The following RFX3 variants were observed in gnomAD, a reference collection of about 807,000 sequenced individuals.
RFX3 encodes the protein regulatory factor X3, also known as transcription factor RFX3.
In RFX3, 14 loss-of-function variants were observed where a neutral mutation model predicts 98.6. The ratio of observed to expected loss-of-function variants is 0.14; its 90% CI spans 0.09 to 0.22. The LOEUF is 0.22. Among genes scored for constraint, RFX3 ranks in the 10% least tolerant of loss-of-function variants. RFX3 has a pLI of 1.00. For missense variants in RFX3, 639 were observed against 926.9 expected (o/e 0.69, Z 4.03); for synonymous variants, 383 against 328.4 (o/e 1.17, Z -1.80).
At chr9:3,359,140 G>A (rs1027713236) in intron 2 of RFX3, among the ~76,000 whole-genome samples, 23 of 151,870 alleles carry the variant, frequency 1.5e-4, no homozygotes, top group African/African-American at 4.8e-4. Context: ...TGGGCATACC[G>A]CTTGCAATTT....
intron 1 of RFX3, among the ~76,000 whole-genome samples, chr9:3,523,915 A>T (rs1259344874): frequency 6.6e-6 from 1 of 152,182 alleles, no homozygotes; most frequent in Non-Finnish European, 1.5e-5. Context: ...ATCACAAGGA[A>T]ATGAATTGAA....
chr9:3,382,944 C>T (rs754335220), intron 2 of RFX3, among the ~76,000 whole-genome samples: 2 of 152,054 alleles, frequency 1.3e-5, no homozygotes, highest in South Asian at 2.1e-4. Flanking sequence ...AGATAAAACA[C>T]TAAATAAATA....
At chr9:3,297,526 T>C (rs1306872772) in intron 5 of RFX3, among the ~76,000 whole-genome samples, 1 of 152,048 alleles carries the variant, frequency 6.6e-6, no homozygotes, top group Non-Finnish European at 1.5e-5. Flanking sequence ...AAATATTGCA[T>C]TGCCCAATTA....
chr9:3,220,448 T>C lies in RFX3; in HGVS notation c.*4594A>G, dbSNP rs561513656. ...TATGACATAGGTCTATCCAGGCCCA[T>C]GTATTTGTCCTCCTTTTCTAGAGAC... is the stretch of plus-strand genomic sequence containing the variant. On this transcript the variant is annotated 3_prime_UTR_variant, in exon 17 of 17. Coordinates refer to ENST00000617270, the MANE Select transcript of RFX3 (RefSeq NM_001282116.2). 2.0e-5 allele frequency: 3 copies of C among 152,056 alleles called. No individual in the cohort carries two copies. Among genetic ancestry groups the C allele is most frequent in the East Asian group, 1.9e-4 (1 of 5,196 alleles). The allele number at this position is 152,056 out of a possible 1,614,324, so 9.4% of individuals were successfully genotyped here.
intron 1 of RFX3, among the ~76,000 whole-genome samples, chr9:3,449,885 A>AG (rs1846415736): frequency 6.6e-6 from 1 of 150,422 alleles, no homozygotes; most frequent in Admixed American, 6.6e-5. Context: ...AAAAAAGAAA[A>AG]GAAAAAAAAA....
intron 1 of RFX3, among the ~76,000 whole-genome samples, chr9:3,518,303 C>G (rs897633708): frequency 3.9e-5 from 6 of 152,176 alleles, no homozygotes; most frequent in African/African-American, 1.4e-4. Flanking sequence ...CCAAAAGTTC[C>G]TTTTAAATCT....
At chr9:3,425,784 A>G (rs1843959131) in intron 1 of RFX3, among the ~76,000 whole-genome samples, 1 of 152,218 alleles carries the variant, frequency 6.6e-6, no homozygotes, top group East Asian at 1.9e-4. Context: ...TACATATACT[A>G]GACCATGAGG....
intron 8 of RFX3, among the ~76,000 whole-genome samples, chr9:3,276,565 G>A (rs571025016): frequency 1.3e-5 from 2 of 152,142 alleles, no homozygotes; most frequent in Admixed American, 6.6e-5. Flanking sequence ...ATAACCCTAG[G>A]ACTTCAGTCT....
chr9:3,505,136 T>A (rs1816804820), intron 1 of RFX3, among the ~76,000 whole-genome samples: 1 of 99,598 alleles, frequency 1.0e-5, no homozygotes, highest in South Asian at 3.4e-4. Context: ...TATTTATATT[T>A]ATATATTATA....
At position 3,482,350 on chromosome 9, in the gene RFX3, C is replaced by T. The variant is rs138652514; in HGVS notation, c.-9+43397G>A. On this transcript the variant is annotated intron_variant, in intron 1 of 16. Coordinates refer to ENST00000617270, the MANE Select transcript of RFX3 (RefSeq NM_001282116.2). The stretch of plus-strand genomic sequence containing the variant: ...GCCAGAGTGAGCACATATGCACTCA[C>T]GGAGAAATCCCGAGAAGACATGACA... 3.4e-3 allele frequency among the ~76,000 whole-genome samples: 517 copies of T among 152,018 alleles called. 3 individuals carry two copies. The highest frequency in any genetic ancestry group is 0.012 in the African/African-American group (486 of 41,454).
intron 2 of RFX3, among the ~76,000 whole-genome samples, chr9:3,357,065 A>G (rs886938760): frequency 7.2e-5 from 11 of 151,986 alleles, no homozygotes; most frequent in African/African-American, 2.7e-4. Flanking sequence ...TACAAATATT[A>G]TATTTAATAG....
intron 1 of RFX3, among the ~76,000 whole-genome samples, chr9:3,457,695 C>T (rs1037290694): frequency 6.6e-6 from 1 of 151,932 alleles, no homozygotes; most frequent in Non-Finnish European, 1.5e-5. Context: ...TATTTGTGTC[C>T]CAACCTTTTC....
chr9:3,442,038 A>G (rs1404556819), intron 1 of RFX3, among the ~76,000 whole-genome samples: 1 of 152,058 alleles, frequency 6.6e-6, no homozygotes, highest in Non-Finnish European at 1.5e-5. Context: ...TGTCTCTATT[A>G]AAAATACAAA....
chr9:3,360,048 G>C (rs1301007128), intron 2 of RFX3, among the ~76,000 whole-genome samples: 1 of 152,092 alleles, frequency 6.6e-6, no homozygotes, highest in African/African-American at 2.4e-5. Context: ...CCAGCATCTT[G>C]TAGTCATTTC....
intron 1 of RFX3, among the ~76,000 whole-genome samples, chr9:3,474,595 G>T (rs1849064717): frequency 6.6e-6 from 1 of 152,118 alleles, no homozygotes; most frequent in African/African-American, 2.4e-5. Context: ...TTATAGATGA[G>T]ATTACTGACT....
At chr9:3,301,735 G>T in intron 4 of RFX3, 115 bp from the exon 5 acceptor site, 1 of 651,826 alleles carries the variant, frequency 1.5e-6, no homozygotes, top group Non-Finnish European at 2.7e-6. Flanking sequence ...GGTCGTTAAT[G>T]AACAGTTGCC....
chr9:3,453,189 T>C (rs1450340981), intron 1 of RFX3, among the ~76,000 whole-genome samples: 1 of 152,080 alleles, frequency 6.6e-6, no homozygotes, highest in African/African-American at 2.4e-5. Context: ...AGACGAGATC[T>C]GATTAATCAC....
intron 1 of RFX3, among the ~76,000 whole-genome samples, chr9:3,427,390 AAT>A (rs1192316102): frequency 7.1e-5 from 10 of 141,004 alleles, no homozygotes; most frequent in East Asian, 5.9e-4. Flanking sequence ...ATAATAATAC[AAT>A]ATATATAAAT....
chr9:3,447,139 A>T (rs1042633600), intron 1 of RFX3, among the ~76,000 whole-genome samples: 1 of 152,148 alleles, frequency 6.6e-6, no homozygotes, highest in Non-Finnish European at 1.5e-5. Flanking sequence ...ATTTTCTTCT[A>T]ACATGCTGCC....
Sources: gnomAD v4.1 joint callset for allele counts (sites outside exome capture counted in the v4.1 genomes callset) on GRCh38, gnomAD v4.1.1 for gene constraint, MANE v1.5 for transcripts, NCBI Gene and HGNC (gene_info 2026-07-23, HGNC 2026-07-21) for gene names.